Variants in MRPL2 observed in about 807,000 individuals in gnomAD.
MRPL2 encodes mitochondrial ribosomal protein L2, also known as large ribosomal subunit protein uL2m.
A neutral mutation model predicts 34.6 loss-of-function variants in MRPL2; 27 were observed. The ratio of observed to expected loss-of-function variants is 0.78; its 90% CI spans 0.58 to 1.08. The LOEUF (loss-of-function observed/expected upper bound fraction) is 1.08. MRPL2 is among the 50% of genes least tolerant of loss of function. The pLI is 0.00. For missense variants in MRPL2, 414 were observed against 419.3 expected, an observed-to-expected ratio of 0.99 and a Z score of 0.11; for synonymous variants, 155 against 158.0, an observed-to-expected ratio of 0.98 and a Z score of 0.14.
At chr6:43,058,339 T>C in intron 1 of MRPL2, 106 bp from the exon 2 acceptor site, 1 of 1,069,846 alleles carries the variant, frequency 9.3e-7, no homozygotes, top group African/African-American at 1.6e-5. Context: ...GCCCACTTCC[T>C]CCTGGATGTA....
rs1424163910 is a variant in MRPL2 at position 43,054,223 on chromosome 6, A to C, written c.*51T>G. The C allele has an allele frequency of 2.3e-5, 29 of 1,238,200 alleles. No homozygotes were observed. Among genetic ancestry groups the C allele is most frequent in the Non-Finnish European group, 3.0e-5 (27 of 894,380 alleles). 76.7% of individuals were successfully genotyped at this position (1,238,200 alleles called of 1,614,324 possible). The stretch of plus-strand genomic sequence containing the variant: ...CAAAAAACACCCAAAACAAAACCAC[A>C]GTAACAGATTAAAACGGGGGGGGGG... On this transcript the variant is annotated 3_prime_UTR_variant, in exon 7 of 7. Coordinates refer to ENST00000388752, the MANE Select transcript of MRPL2 (RefSeq NM_015950.5).
chr6:43,055,446 T>G, intron 6 of MRPL2, 99 bp downstream of exon 6: 1 of 1,139,026 alleles, frequency 8.8e-7, no homozygotes, highest in Non-Finnish European at 1.3e-6. Flanking sequence ...TCAAGGCAGT[T>G]CCTTGCATCA....
chr6:43,057,287 TCTC>T (rs1307245734), intron 2 of MRPL2, among the ~76,000 whole-genome samples: 1 of 150,980 alleles, frequency 6.6e-6, no homozygotes. Context: ...TTCAAGCGAT[TCTC>T]CTGCCTCAGC....
Position 43,056,120 on chromosome 6 carries a change from C to T in MRPL2, c.481G>A (p.Asp161Asn). The T allele has an allele frequency of 2.5e-6, 4 of 1,614,232 alleles. No individual in the cohort carries two copies. The highest frequency in any genetic ancestry group is 3.4e-6 in the Non-Finnish European group (4 of 1,180,050). Residue 161 changes from aspartate to asparagine, a missense_variant, in exon 4 of 7, where the codon GAT becomes AAT. By Grantham distance (23) the Asp-to-Asn change is conservative. Transcript: ENST00000388752. ...ATGTGGTTAGAGTTCAAGATTGTAT[C>T]TCCAGCCTGCATGTTTTCTGTGGCG... ...IIATENMQAG[D>N]TILNSNHIGR...
At chr6:43,059,189 T>G in intron 1 of MRPL2, 97 bp downstream of exon 1, 1 of 1,550,674 alleles carries the variant, frequency 6.4e-7, no homozygotes, top group Non-Finnish European at 8.7e-7. Flanking sequence ...CCTGCATGAC[T>G]CCTGACCAGA....
Position 43,058,094 on chromosome 6 carries a change from A to G in MRPL2, c.236T>C (p.Met79Thr). 3 of 1,612,010 alleles carry G rather than the reference A, an allele frequency of 1.9e-6. No homozygotes were observed. The highest frequency in any genetic ancestry group is 2.5e-6 in the Non-Finnish European group (3 of 1,179,252). ...RTKYTITPVKMRKSGGRDHTG... is the reference protein window; with the variant it reads ...RTKYTITPVKTRKSGGRDHTG... The stretch of plus-strand genomic sequence containing the variant: ...GTGGTCTCGGCCCCCAGACTTCCTC[A>G]TCTTCACTGGTGTAATGGTGTACTT... The change falls in exon 2 of 7, where the codon ATG becomes ACG. Residue 79 changes from methionine (M) to threonine (T), a missense_variant. Met to Thr is a moderately conservative substitution (Grantham distance 81, BLOSUM62 -1). Transcript: ENST00000388752.
rs750317416 is a variant in MRPL2 at position 43,054,399 on chromosome 6, A to G, written c.793T>C (p.Trp265Arg). 9.3e-6 allele frequency: 15 copies of G among 1,614,104 alleles called. 1 individual carries two copies. The Admixed American group carries it at 1.7e-4, about 18-fold the overall frequency. Reference sequence around the variant, plus strand: ...CCACTGTTAGGCCTCTTGCCCAGCCAGCGGTTGCGACCTGCCTTGCCAATG... The same window carrying G: ...CCACTGTTAGGCCTCTTGCCCAGCCGGCGGTTGCGACCTGCCTTGCCAATG... ...RVIGKAGRNRWLGKRPNSGRW... is the reference protein window; with the variant it reads ...RVIGKAGRNRRLGKRPNSGRW... Residue 265 changes from tryptophan to arginine, a missense_variant, in exon 7 of 7, where the codon TGG becomes CGG. Transcript: ENST00000388752.
intron 6 of MRPL2, among the ~76,000 whole-genome samples, chr6:43,055,121 T>C (rs1190143256): frequency 1.3e-5 from 2 of 151,760 alleles, no homozygotes; most frequent in Admixed American, 1.3e-4. Context: ...TCTCAGCACT[T>C]TGGGAGGCCA....
At chr6:43,058,889 A>G (rs992380312) in intron 1 of MRPL2, 1 of 482,902 alleles carries the variant, frequency 2.1e-6, no homozygotes, top group Non-Finnish European at 3.7e-6. Flanking sequence ...CAGACTGTTT[A>G]GCTCTGATAG....
intron 6 of MRPL2, 77 bp downstream of exon 6, chr6:43,055,468 G>T: frequency 7.1e-7 from 1 of 1,407,164 alleles, no homozygotes; most frequent in South Asian, 1.2e-5. Flanking sequence ...AAAACACCTG[G>T]GAGCTATCCC....
At chr6:43,057,913 C>G (rs1478437152) in intron 2 of MRPL2, 152 bp downstream of exon 2, 4 of 791,844 alleles carry the variant, frequency 5.1e-6, no homozygotes, top group Non-Finnish European at 4.1e-6. Flanking sequence ...CTCTCTGACT[C>G]CTGTACACAT....
intron 1 of MRPL2, chr6:43,059,030 T>C (rs1764987264): frequency 8.9e-7 from 1 of 1,127,318 alleles, no homozygotes; most frequent in Non-Finnish European, 1.2e-6. Flanking sequence ...TCATAGGCAC[T>C]CGAAACGTTA....
In MRPL2 at chr6:43,058,279, C is replaced by T. The variant is rs773892980; in HGVS notation, c.97-46G>A. 4.4e-6 allele frequency: 7 copies of T among 1,595,956 alleles called. No homozygotes were observed. The South Asian group carries it at 7.8e-5, about 18-fold the overall frequency. ...CTTTCATTTGAAAGCTAATTGAAGG[C>T]AAAGCATCAGAGAACCAAGGCAGAG... is the stretch of plus-strand genomic sequence containing the variant. On this transcript the variant is annotated intron_variant, in intron 1 of 6. Coordinates refer to ENST00000388752, the MANE Select transcript of MRPL2 (RefSeq NM_015950.5).
chr6:43,058,343 G>A, intron 1 of MRPL2, 110 bp from the exon 2 acceptor site: 2 of 1,023,046 alleles, frequency 2.0e-6, no homozygotes, highest in Non-Finnish European at 2.9e-6. Context: ...ACTTCCTCCT[G>A]GATGTATCCC....
At chr6:43,054,898 T>A (rs897229536) in intron 6 of MRPL2, among the ~76,000 whole-genome samples, 1 of 152,058 alleles carries the variant, frequency 6.6e-6, no homozygotes, top group Non-Finnish European at 1.5e-5. Context: ...GCCAACGTGG[T>A]GATACCCTGT....
Position 43,054,293 on chromosome 6 carries a change from G to C in MRPL2, c.899C>G (p.Ser300Cys). 4 of 1,602,380 alleles carry C rather than the reference G, an allele frequency of 2.5e-6. No homozygotes were observed. The African/African-American group carries it at 4.1e-5, about 16-fold the overall frequency. The change falls in exon 7 of 7, where the codon TCT becomes TGT. Residue 300 changes from serine (S) to cysteine (C), a missense_variant. Coordinates refer to ENST00000388752, the MANE Select transcript of MRPL2 (RefSeq NM_015950.5). ...GGGATATCAGCTTTGGGCAGAAGCA[G>C]AAGGCAGCTTCACGTAACTCTTCAT... The part of the protein sequence containing the change: ...PPMKSYVKLP[S>C]ASAQS
chr6:43,056,129 G>A lies in MRPL2; in HGVS notation c.472C>T (p.Gln158Ter). Residue 158 changes from glutamine (Q) to a stop codon, truncating the protein, a stop_gained, in exon 4 of 7, where the codon CAG (glutamine) becomes TAG (stop). Coordinates refer to ENST00000388752, the MANE Select transcript of MRPL2 (RefSeq NM_015950.5). LOFTEE classifies it high-confidence loss of function. ...KRWIIATENM[Q>*]AGDTILNSNH... ...GAGTTCAAGATTGTATCTCCAGCCTGCATGTTTTCTGTGGCGATGATCCAG... is the reference window on the plus strand; with the variant it reads ...GAGTTCAAGATTGTATCTCCAGCCTACATGTTTTCTGTGGCGATGATCCAG... The A allele has an allele frequency of 6.2e-7, 1 of 1,614,176 alleles. No individual in the cohort carries two copies. The highest frequency in any genetic ancestry group is 8.5e-7 in the Non-Finnish European group (1 of 1,180,048).
intron 6 of MRPL2, 117 bp downstream of exon 6, chr6:43,055,428 G>T: frequency 1.1e-6 from 1 of 918,024 alleles, no homozygotes; most frequent in Non-Finnish European, 1.7e-6. Context: ...GAAAAGGACA[G>T]CCTCAGCTCA....
chr6:43,057,775 A>G, intron 2 of MRPL2: 1 of 418,044 alleles, frequency 2.4e-6, no homozygotes, highest in South Asian at 6.9e-5. Context: ...CACCTTACCC[A>G]GCCTGTTATA....
Sources: gnomAD v4.1 joint callset for allele counts (sites outside exome capture counted in the v4.1 genomes callset) on GRCh38, gnomAD v4.1.1 for gene constraint, MANE v1.5 for transcripts, NCBI Gene and HGNC (gene_info 2026-07-23, HGNC 2026-07-21) for gene names.